TNPO1: variants seen among roughly 807,000 people sequenced by gnomAD.
TNPO1 encodes transportin-1.
Under a neutral mutation model 119.5 loss-of-function variants are expected in TNPO1, and 8 were observed. The observed-to-expected ratio is 0.07, with a 90% CI of 0.04 to 0.12. The LOEUF (loss-of-function observed/expected upper bound fraction) is 0.12. Ranked by LOEUF, TNPO1 falls within the 10% of genes least tolerant of loss-of-function variation. The probability of loss-of-function intolerance (pLI) is 1.00; values close to 1 mark genes in which losing one functional copy is unlikely to be tolerated. For missense variants in TNPO1, 576 were observed against 1,089.8 expected (o/e 0.53, Z 6.64); for synonymous variants, 362 against 363.0 (o/e 1.00, Z 0.03).
chr5:72,862,186 T>C (rs1257538583), intron 5 of TNPO1, among the ~76,000 whole-genome samples: 7 of 152,254 alleles, frequency 4.6e-5, no homozygotes, highest in Non-Finnish European at 8.8e-5. Flanking sequence ...GTATGTAATA[T>C]ACAGTTTTTG....
chr5:72,876,954 G>T (rs566366629), intron 8 of TNPO1, among the ~76,000 whole-genome samples: 54 of 152,018 alleles, frequency 3.6e-4, no homozygotes, highest in African/African-American at 1.3e-3. Flanking sequence ...AATTAGCCGG[G>T]TGTGGTGGCA....
intron 1 of TNPO1, among the ~76,000 whole-genome samples, chr5:72,818,485 G>A (rs1332009502): frequency 6.6e-6 from 1 of 152,080 alleles, no homozygotes; most frequent in Non-Finnish European, 1.5e-5. Context: ...GTAAACATCT[G>A]TATTTAGAAG....
intron 1 of TNPO1, among the ~76,000 whole-genome samples, chr5:72,827,289 T>C (rs1447342665): frequency 6.6e-6 from 1 of 152,218 alleles, no homozygotes; most frequent in Non-Finnish European, 1.5e-5. Context: ...AGGTACAGCT[T>C]TGCAGGCTGT....
At chr5:72,892,060 AAATT>A (rs1241068177) in intron 15 of TNPO1, among the ~76,000 whole-genome samples, 164 bp downstream of exon 15, 4 of 152,218 alleles carry the variant, frequency 2.6e-5, no homozygotes, top group African/African-American at 9.6e-5. Context: ...AATTGATAAT[AAATT>A]AGAGTTTTAA....
chr5:72,892,047 C>T, intron 15 of TNPO1, 151 bp downstream of exon 15: 1 of 588,466 alleles, frequency 1.7e-6, no homozygotes, highest in Non-Finnish European at 2.9e-6. Context: ...ACCTGCTTTA[C>T]TTAATTGATA....
At chr5:72,853,871 C>A (rs1745782728) in intron 3 of TNPO1, among the ~76,000 whole-genome samples, 1 of 152,296 alleles carries the variant, frequency 6.6e-6, no homozygotes, top group South Asian at 2.1e-4. Context: ...AATTATCTCA[C>A]TTTACAAATG....
intron 4 of TNPO1, among the ~76,000 whole-genome samples, 166 bp downstream of exon 4, chr5:72,856,089 G>A (rs900206251): frequency 2.0e-5 from 3 of 152,148 alleles, no homozygotes; most frequent in Non-Finnish European, 4.4e-5. Context: ...TGGTAAAAGC[G>A]CTCTCATCCA....
intron 1 of TNPO1, among the ~76,000 whole-genome samples, chr5:72,836,283 G>A (rs751702986): frequency 1.3e-5 from 2 of 152,190 alleles, no homozygotes; most frequent in African/African-American, 2.4e-5. Flanking sequence ...GAGCCCCAGG[G>A]TTTTTCAGGG....
intron 5 of TNPO1, among the ~76,000 whole-genome samples, chr5:72,862,160 A>T (rs946711316): frequency 1.3e-5 from 2 of 152,180 alleles, no homozygotes; most frequent in African/African-American, 2.4e-5. Context: ...TTCTAAAATT[A>T]TTCTTGGATG....
chr5:72,822,907 ACTT>A (rs1191562738), intron 1 of TNPO1, among the ~76,000 whole-genome samples: 3 of 102,248 alleles, frequency 2.9e-5, no homozygotes, highest in Non-Finnish European at 5.7e-5. Context: ...CTGGGTCTAC[ACTT>A]TTTTTTTTTT....
intron 24 of TNPO1, among the ~76,000 whole-genome samples, chr5:72,905,820 C>T (rs962114780): frequency 6.6e-6 from 1 of 152,138 alleles, no homozygotes; most frequent in Non-Finnish European, 1.5e-5. Flanking sequence ...TTGTTTGAAC[C>T]TGGGAGATGG....
At chr5:72,901,757 C>CA (rs1749811186) in intron 22 of TNPO1, among the ~76,000 whole-genome samples, 1 of 152,134 alleles carries the variant, frequency 6.6e-6, no homozygotes, top group Admixed American at 6.5e-5. Flanking sequence ...CTTCAGCAGA[C>CA]ACGTTTAAGG....
Position 72,888,318 on chromosome 5 carries a change from T to C in TNPO1, c.1529+15T>C, listed in dbSNP as rs1009570605. 3 of 1,604,876 alleles carry C rather than the reference T, an allele frequency of 1.9e-6. No homozygotes were observed. The highest frequency in any genetic ancestry group is 3.3e-5 in the Admixed American group (2 of 59,888). Reference sequence around the variant, plus strand: ...GCTGCCTGCAGGTGGGACAGATTCATAACACAGTGTTCTTTGTGGCAGTGA... The same window carrying C: ...GCTGCCTGCAGGTGGGACAGATTCACAACACAGTGTTCTTTGTGGCAGTGA... On this transcript the variant is annotated intron_variant, in intron 13 of 24. Transcript: ENST00000337273.
intron 6 of TNPO1, 22 bp downstream of exon 6, chr5:72,865,751 A>C: frequency 6.2e-7 from 1 of 1,603,718 alleles, no homozygotes; most frequent in Non-Finnish European, 8.5e-7. Flanking sequence ...GCCAGTACTA[A>C]TTGATTAACT....
At chr5:72,834,854 T>C (rs918086344) in intron 1 of TNPO1, among the ~76,000 whole-genome samples, 4 of 152,160 alleles carry the variant, frequency 2.6e-5, no homozygotes, top group Non-Finnish European at 4.4e-5. Flanking sequence ...TAAACCATTT[T>C]TTTATTTTTC....
intron 7 of TNPO1, 46 bp from the exon 8 acceptor site, chr5:72,875,569 G>A (rs752168502): frequency 1.1e-5 from 17 of 1,593,742 alleles, no homozygotes; most frequent in East Asian, 4.5e-5. Context: ...TATTACTTGT[G>A]TGTAAGCCTT....
rs1199622342 is a variant in TNPO1 at position 72,865,364 on chromosome 5, C to T, written c.463-232C>T. The stretch of plus-strand genomic sequence containing the variant: ...GGCTGAGGCAGGAGAGTCACTTGAA[C>T]CCGGGAGGCAGAAGTTGCAGTGACC... On this transcript the variant is annotated intron_variant, in intron 5 of 24. Coordinates refer to ENST00000337273, the MANE Select transcript of TNPO1 (RefSeq NM_002270.4). Among the ~76,000 whole-genome samples the T allele has an allele frequency of 2.6e-5, 4 of 151,278 alleles. No homozygotes were observed. The East Asian group carries it at 5.9e-4, about 22-fold the overall frequency.
intron 1 of TNPO1, among the ~76,000 whole-genome samples, chr5:72,822,950 C>G (rs1058951): frequency 2.1e-5 from 3 of 141,202 alleles, no homozygotes; most frequent in Admixed American, 1.5e-4. Flanking sequence ...CAGTCTAGCT[C>G]TCTTGTCCAG....
chr5:72,902,444 A>G (rs1173697374), intron 22 of TNPO1, among the ~76,000 whole-genome samples: 4 of 152,188 alleles, frequency 2.6e-5, no homozygotes, highest in African/African-American at 9.6e-5. Context: ...ACTTACTGTT[A>G]GAACAAGCCA....
Sources: gnomAD v4.1 joint callset for allele counts (sites outside exome capture counted in the v4.1 genomes callset) on GRCh38, gnomAD v4.1.1 for gene constraint, MANE v1.5 for transcripts, NCBI Gene and HGNC (gene_info 2026-07-23, HGNC 2026-07-21) for gene names.